ANKRD26: variants seen among roughly 807,000 people sequenced by gnomAD.
The protein encoded by ANKRD26 is ankyrin repeat domain-containing protein 26.
Under a neutral mutation model 208.7 loss-of-function variants are expected in ANKRD26, and 141 were observed. The ratio of observed to expected loss-of-function variants is 0.68; its 90% CI spans 0.59 to 0.78. ANKRD26 has a LOEUF of 0.78. Ranked by LOEUF, ANKRD26 falls within the 30% of genes least tolerant of loss-of-function variation. The pLI, the probability that ANKRD26 is intolerant of heterozygous loss-of-function variation, is 0.00. For missense variants in ANKRD26, 1,889 were observed against 1,938.7 expected, an observed-to-expected ratio of 0.97 and a Z score of 0.48; for synonymous variants, 636 against 660.4, an observed-to-expected ratio of 0.96 and a Z score of 0.57.
At chr10:27,095,553 A>G (rs2056441353) in intron 1 of ANKRD26, among the ~76,000 whole-genome samples, 1 of 152,192 alleles carries the variant, frequency 6.6e-6, no homozygotes, top group South Asian at 2.1e-4. Flanking sequence ...CTGTAATCCC[A>G]GCTACTCGAG....
intron 16 of ANKRD26, chr10:27,052,228 CA>C (rs1168959979): frequency 2.1e-6 from 2 of 953,374 alleles, no homozygotes; most frequent in African/African-American, 1.8e-5. Context: ...TAGTTACTCC[CA>C]AATCACTGGA....
downstream of ANKRD26, among the ~76,000 whole-genome samples, chr10:26,988,879 CAA>C (rs56162186): frequency 2.2e-5 from 3 of 137,278 alleles, no homozygotes. Flanking sequence ...GACCTCTTCT[CAA>C]AAAAAAAAAA....
chr10:27,080,657 CT>C (rs2055874857), intron 6 of ANKRD26: 1 of 985,380 alleles, frequency 1.0e-6, no homozygotes, highest in African/African-American at 1.7e-5. Flanking sequence ...ACAGATCCCT[CT>C]TCTGCAGGGC....
intron 5 of ANKRD26, among the ~76,000 whole-genome samples, chr10:27,084,674 G>A (rs1193015701): frequency 1.3e-5 from 2 of 152,036 alleles, no homozygotes; most frequent in Admixed American, 1.3e-4. Flanking sequence ...TCCAAGATCA[G>A]CCTGGCCAAC....
intron 15 of ANKRD26, among the ~76,000 whole-genome samples, chr10:27,058,101 CA>C: frequency 1.3e-5 from 2 of 151,920 alleles, no homozygotes; most frequent in Middle Eastern, 3.4e-3. Flanking sequence ...TCTTTATAAA[CA>C]AAATTGTTGG....
chr10:26,996,565 A>G (rs1489779969), intron 4 of ANKRD26, among the ~76,000 whole-genome samples: 1 of 152,178 alleles, frequency 6.6e-6, no homozygotes, highest in Admixed American at 6.5e-5. Flanking sequence ...TCTCAAGAAA[A>G]AGAGTCTTCA....
At chr10:27,008,761 T>G (rs2134836302) in intron 32 of ANKRD26, among the ~76,000 whole-genome samples, 1 of 152,328 alleles carries the variant, frequency 6.6e-6, no homozygotes, top group Non-Finnish European at 1.5e-5. Flanking sequence ...GTATATGGTA[T>G]AAAGTTGTTG....
At chr10:26,992,765 C>G (rs2052513456) in intron 5 of ANKRD26, among the ~76,000 whole-genome samples, 1 of 152,128 alleles carries the variant, frequency 6.6e-6, no homozygotes, top group Non-Finnish European at 1.5e-5. Context: ...CCCCAGGATC[C>G]AAACCAACCA....
intron 18 of ANKRD26, chr10:27,046,011 CA>C (rs2054429297): frequency 4.7e-6 from 1 of 211,568 alleles, no homozygotes; most frequent in African/African-American, 2.3e-5. Flanking sequence ...GGGTCACTCC[CA>C]AAAGCATGCA....
chr10:27,056,476 AT>A (rs923801526), intron 15 of ANKRD26, among the ~76,000 whole-genome samples: 8 of 151,532 alleles, frequency 5.3e-5, no homozygotes, highest in African/African-American at 1.7e-4. Context: ...GCCAAAAATA[AT>A]TTTTTTTAAA....
chr10:26,995,648 T>G (rs1454207403), intron 4 of ANKRD26, among the ~76,000 whole-genome samples: 3 of 152,160 alleles, frequency 2.0e-5, no homozygotes, highest in African/African-American at 7.2e-5. Context: ...ATGGGGAAAG[T>G]TAAACTACGC....
intron 15 of ANKRD26, among the ~76,000 whole-genome samples, chr10:27,053,942 CATCTTT>C (rs1201931122): frequency 1.3e-5 from 2 of 152,118 alleles, no homozygotes; most frequent in Non-Finnish European, 2.9e-5. Flanking sequence ...CTACTTTTTA[CATCTTT>C]ATCATTGTAC....
the ANKRD26 span, among the ~76,000 whole-genome samples, chr10:26,947,683 A>T: frequency 6.6e-6 from 1 of 152,232 alleles, no homozygotes; most frequent in Non-Finnish European, 1.5e-5. Context: ...CATGAGCTGG[A>T]ATTCATGCCC....
chr10:27,086,389 T>A, intron 5 of ANKRD26, 150 bp downstream of exon 5: 9 of 1,016,628 alleles, frequency 8.9e-6, no homozygotes, highest in Non-Finnish European at 1.2e-5. Flanking sequence ...TAATTCTGAA[T>A]TCTAGATTAC....
chr10:26,998,111 T>C lies in ANKRD26; in HGVS notation c.563-2964A>G, dbSNP rs551886925. Among the ~76,000 whole-genome samples the C allele has an allele frequency of 1.6e-4, 25 of 152,348 alleles. No individual in the cohort carries two copies. The South Asian group carries it at 5.2e-3, about 32-fold the overall frequency. On this transcript the variant is annotated intron_variant, in intron 4 of 5. Transcript: ENST00000445828. Reference sequence around the variant, plus strand: ...CTGGTCAGCTAAGGTAACTAGTTTATTAGTCCTGGCCATGACCCAATTTAC... The same window carrying C: ...CTGGTCAGCTAAGGTAACTAGTTTACTAGTCCTGGCCATGACCCAATTTAC...
chr10:26,974,286 A>G (rs1211559609), exon 6 of ANKRD26, among the ~76,000 whole-genome samples: 1 of 151,616 alleles, frequency 6.6e-6, no homozygotes, highest in East Asian at 1.9e-4. Flanking sequence ...TTACCTACAT[A>G]ATTACCAATG....
chr10:27,079,799 G>A (rs2055835706), intron 6 of ANKRD26, among the ~76,000 whole-genome samples: 4 of 152,142 alleles, frequency 2.6e-5, no homozygotes, highest in Non-Finnish European at 5.9e-5. Context: ...ATTGCAGTGA[G>A]CCGAGATCAT....
chr10:26,960,157 A>G, the ANKRD26 span, among the ~76,000 whole-genome samples: 2 of 152,106 alleles, frequency 1.3e-5, no homozygotes, highest in African/African-American at 4.8e-5. Context: ...TCCAAAAAAA[A>G]AAAGGGGGGG....
At chr10:27,016,520 G>A (rs796910048) in intron 30 of ANKRD26, among the ~76,000 whole-genome samples, 2 of 150,650 alleles carry the variant, frequency 1.3e-5, no homozygotes, top group Non-Finnish European at 2.9e-5. Context: ...CTCGTGATCC[G>A]TCCACCTCGG....
Sources: allele counts gnomAD v4.1 joint callset (sites outside exome capture counted in the v4.1 genomes callset), GRCh38; gene constraint gnomAD v4.1.1; transcripts MANE v1.5; gene names NCBI Gene and HGNC (gene_info 2026-07-23, HGNC 2026-07-21).